The following ANKRD46 variants were observed in gnomAD, a reference collection of about 807,000 sequenced individuals.
The protein encoded by ANKRD46 is ankyrin repeat domain-containing protein 46.
A neutral mutation model predicts 19.8 loss-of-function variants in ANKRD46; 13 were observed. The ratio of observed to expected loss-of-function variants is 0.66; its 90% CI spans 0.43 to 1.04. The LOEUF is 1.04. Ranked by LOEUF, ANKRD46 falls within the 50% of genes least tolerant of loss-of-function variation. The probability of loss-of-function intolerance (pLI) is 0.00; values close to 1 mark genes in which losing one functional copy is unlikely to be tolerated. For synonymous variants in ANKRD46, 91 were observed against 106.9 expected (o/e 0.85, Z 0.92); for missense variants, 185 against 274.8 (o/e 0.67, Z 2.31).
chr8:100,521,807 CTGTTATCTT>C lies in ANKRD46; in HGVS notation c.*739_*747del. ...ATTTTCTGACTGTAATTCTGATGAA[CTGTTATCTT>C]TGATGACTAGGATACTCGGGAAAAT... is the stretch of plus-strand genomic sequence containing the variant. On this transcript the variant is annotated 3_prime_UTR_variant, in exon 5 of 5. Transcript: ENST00000335659. The C allele has an allele frequency of 1.0e-6, 1 of 985,274 alleles. No individual in the cohort carries two copies. Among genetic ancestry groups the C allele is most frequent in the Non-Finnish European group, 1.2e-6 (1 of 829,838 alleles). The allele number at this position is 985,274 out of a possible 1,614,324, so 61.0% of individuals were successfully genotyped here.
intron 5 of ANKRD46, among the ~76,000 whole-genome samples, chr8:100,512,164 A>G (rs115730605): frequency 0.024 from 3,655 of 152,334 alleles, 153 homozygotes; most frequent in African/African-American, 0.081. Context: ...CAGAAACTGC[A>G]TTCTGAGTAA....
chr8:100,536,704 C>T lies in ANKRD46; in HGVS notation c.-130-3393G>A, dbSNP rs1361741449. On this transcript the variant is annotated intron_variant, in intron 1 of 4. Coordinates refer to ENST00000335659, the MANE Select transcript of ANKRD46 (RefSeq NM_001270377.2). The surrounding 1 kb of genome is among the most constrained non-coding windows in gnomAD (Gnocchi z 4.9). ...GCAAGAACAGTCAATATGGGAATAA[C>T]CACGCCCCAGAAAGCATGCTGGTTG... is the stretch of plus-strand genomic sequence containing the variant. 4.6e-5 allele frequency among the ~76,000 whole-genome samples: 7 copies of T among 152,192 alleles called. No homozygotes were observed. The highest frequency in any genetic ancestry group is 4.6e-4 in the Admixed American group (7 of 15,278).
chr8:100,526,283 T>G (rs560165080), intron 4 of ANKRD46, among the ~76,000 whole-genome samples: 1 of 152,214 alleles, frequency 6.6e-6, no homozygotes, highest in Admixed American at 6.5e-5. Context: ...ATATTTCTAA[T>G]AAAAGGGTGC....
chr8:100,532,474 A>ACAAACCAAACCAAAC lies in ANKRD46; in HGVS notation c.-28+720_-28+734dup, dbSNP rs369746785. 1 of 152,192 alleles carries ACAAACCAAACCAAAC rather than the reference A, an allele frequency of 6.6e-6. No individual in the cohort carries two copies. The highest frequency in any genetic ancestry group is 2.1e-4 in the South Asian group (1 of 4,824). The allele number at this position is 152,192 out of a possible 1,614,324, so 9.4% of individuals were successfully genotyped here. ...TCAAAGTGAGGCCTGTCTCAAAAAAACAAACCAAACCAAACCAAACCAAAC... is the reference window on the plus strand; with the variant it reads ...TCAAAGTGAGGCCTGTCTCAAAAAAACAAACCAAACCAAACCAAACCAAACCAAACCAAACCAAAC... On this transcript the variant is annotated intron_variant, in intron 2 of 4. Transcript: ENST00000335659. This position sits in a 1 kb window ranked among gnomAD's most constrained non-coding sequence, Gnocchi z 4.7.
At position 100,533,238 on chromosome 8, in the gene ANKRD46, A is replaced by G. The variant is rs1812000520; in HGVS notation, c.-57T>C. The G allele has an allele frequency of 6.6e-6, 1 of 152,252 alleles. No homozygotes were observed. The allele number at this position is 152,252 out of a possible 1,614,324, so 9.4% of individuals were successfully genotyped here. On this transcript the variant is annotated 5_prime_UTR_variant, in exon 2 of 5. Coordinates refer to ENST00000335659, the MANE Select transcript of ANKRD46 (RefSeq NM_001270377.2). ...GCCTTAAGATTAGATCTTTTCGTTC[A>G]GTGGTCACTCAGCAGTTTCTCTGAA...
At chr8:100,549,077 A>G (rs1403948755) in intron 1 of ANKRD46, among the ~76,000 whole-genome samples, 2 of 151,598 alleles carry the variant, frequency 1.3e-5, no homozygotes, top group East Asian at 1.9e-4. Context: ...TGGGTATTTC[A>G]CACTTATTTT....
rs112000243 is a variant in ANKRD46, at chr8:100,537,004, C to T, written c.-130-3693G>A. Among the ~76,000 whole-genome samples the T allele has an allele frequency of 5.9e-3, 905 of 152,272 alleles. 4 individuals carry two copies. The highest frequency in any genetic ancestry group is 9.2e-3 in the Non-Finnish European group (626 of 68,022). On this transcript the variant is annotated intron_variant, in intron 1 of 4. Coordinates refer to ENST00000335659, the MANE Select transcript of ANKRD46 (RefSeq NM_001270377.2). This position sits in a 1 kb window ranked among gnomAD's most constrained non-coding sequence, Gnocchi z 4.2. ...TGTCAACCAGCGTGATTGTCTCAAC[C>T]CAAACAACAATAAAAAGGTTTTGAT...
Position 100,524,177 on chromosome 8 carries a change from G to A in ANKRD46, c.471-1406C>T, listed in dbSNP as rs894943564. Among the ~76,000 whole-genome samples, 1 of 152,090 alleles carries A rather than the reference G, an allele frequency of 6.6e-6. No homozygotes were observed. The highest frequency in any genetic ancestry group is 1.5e-5 in the Non-Finnish European group (1 of 68,020). ...GGTACTTGGAAGCACTAAGGGAAGA[G>A]CACTCATGGTTATATCACAACATAC... On this transcript the variant is annotated intron_variant, in intron 4 of 4. Coordinates refer to ENST00000335659, the MANE Select transcript of ANKRD46 (RefSeq NM_001270377.2). This position sits in a 1 kb window ranked among gnomAD's most constrained non-coding sequence, Gnocchi z 4.3.
Position 100,510,256 on chromosome 8 carries a change from T to G in ANKRD46, c.*321A>C. On this transcript the variant is annotated 3_prime_UTR_variant, in exon 6 of 6. Transcript: ENST00000520552. The surrounding 1 kb of genome is among the most constrained non-coding windows in gnomAD (Gnocchi z 4.9). ...TCATTTCAGACACCACGGCAGCCTT[T>G]TGTTCAAGATCAAATGGATGTGATT... 3.5e-6 allele frequency: 1 copy of G among 289,640 alleles called. No individual in the cohort carries two copies. The highest frequency in any genetic ancestry group is 6.4e-6 in the Non-Finnish European group (1 of 156,540). The allele number at this position is 289,640 out of a possible 1,614,324, so 17.9% of individuals were successfully genotyped here.
intron 1 of ANKRD46, among the ~76,000 whole-genome samples, chr8:100,541,999 C>G (rs1462312813): frequency 6.6e-6 from 1 of 152,100 alleles, no homozygotes; most frequent in African/African-American, 2.4e-5. Flanking sequence ...AGTAAGTACA[C>G]TTTGTACACA....
chr8:100,552,043 G>A (rs546818370), intron 1 of ANKRD46, among the ~76,000 whole-genome samples: 1 of 151,690 alleles, frequency 6.6e-6, no homozygotes, highest in South Asian at 2.1e-4. Flanking sequence ...CCAGGTACTC[G>A]GGAGGCTGAG....
chr8:100,547,514 G>A (rs749626841), intron 1 of ANKRD46, among the ~76,000 whole-genome samples: 50 of 152,134 alleles, frequency 3.3e-4, no homozygotes, highest in Non-Finnish European at 6.5e-4. Flanking sequence ...TTAGAGCAGC[G>A]TGAAAACAGA....
At chr8:100,520,763 A>G (rs1330236904), downstream of ANKRD46, 1 of 935,650 alleles carries the variant, frequency 1.1e-6, no homozygotes, top group Non-Finnish European at 1.3e-6. Flanking sequence ...AAAAAAAGAG[A>G]AATCGTGATT....
intron 1 of ANKRD46, among the ~76,000 whole-genome samples, chr8:100,540,557 T>C (rs899784377): frequency 2.0e-5 from 3 of 152,216 alleles, no homozygotes; most frequent in African/African-American, 4.8e-5. Context: ...TTCCTACTGA[T>C]TGGGATAACA....
chr8:100,530,376 T>C (rs1266125280), intron 2 of ANKRD46, among the ~76,000 whole-genome samples: 3 of 133,762 alleles, frequency 2.2e-5, no homozygotes, highest in Non-Finnish European at 4.7e-5. Flanking sequence ...TAGAGTGTTA[T>C]GTTTATAGCA....
At chr8:100,553,972 T>A (rs143574604) in intron 1 of ANKRD46, among the ~76,000 whole-genome samples, 34 of 152,356 alleles carry the variant, frequency 2.2e-4, no homozygotes, top group African/African-American at 7.7e-4. Context: ...CATACCTAAA[T>A]AATAATGTGC....
intron 1 of ANKRD46, among the ~76,000 whole-genome samples, chr8:100,558,633 G>A (rs775238748): frequency 2.6e-5 from 4 of 152,186 alleles, no homozygotes; most frequent in Non-Finnish European, 5.9e-5. Context: ...CTAAGCCTGA[G>A]AGAAATCAGT....
At chr8:100,515,680 C>A in intron 5 of ANKRD46, among the ~76,000 whole-genome samples, 1 of 149,834 alleles carries the variant, frequency 6.7e-6, no homozygotes, top group African/African-American at 2.5e-5. Flanking sequence ...GCGGTGATGG[C>A]AGCGTGTGAG....
At position 100,528,001 on chromosome 8, in the gene ANKRD46, T is replaced by A; in HGVS notation, c.314A>T (p.Asn105Ile). The change falls in exon 4 of 5, where the codon AAT (asparagine) becomes ATT (isoleucine). Residue 105 changes from asparagine (N) to isoleucine (I), a missense_variant and splice_region_variant. Transcript: ENST00000335659. Reference sequence around the variant, plus strand: ...AACTAAAGGGGTAGCACCTTGATGATTGCTAAAAAAAAAAAAAAAAAAAAA... The same window carrying A: ...AACTAAAGGGGTAGCACCTTGATGAATGCTAAAAAAAAAAAAAAAAAAAAA... Reference protein sequence around the residue: ...VSNGLKIDICNHQGATPLVLA... With the variant: ...VSNGLKIDICIHQGATPLVLA... 7.0e-7 allele frequency: 1 copy of A among 1,425,344 alleles called. No individual in the cohort carries two copies. Among genetic ancestry groups the A allele is most frequent in the Non-Finnish European group, 9.1e-7 (1 of 1,093,126 alleles). 88.3% of individuals were successfully genotyped at this position (1,425,344 alleles called of 1,614,324 possible).
Sources: gnomAD v4.1 joint callset for allele counts (sites outside exome capture counted in the v4.1 genomes callset) on GRCh38, gnomAD v4.1.1 for gene constraint, Gnocchi (gnomAD v3.1) non-coding constraint, MANE v1.5 for transcripts, NCBI Gene and HGNC (gene_info 2026-07-23, HGNC 2026-07-21) for gene names.